The following AEN variants were observed in gnomAD, a reference collection of about 807,000 sequenced individuals.
AEN encodes the protein apoptosis-enhancing nuclease.
A neutral mutation model predicts 17.7 loss-of-function variants in AEN; 21 were observed. That is an observed-to-expected ratio of 1.19 (90% CI 0.84 to 1.71). The LOEUF (loss-of-function observed/expected upper bound fraction) is 1.71. AEN is among the 40% of genes most tolerant of loss of function. The probability of loss-of-function intolerance (pLI) is 0.00; values close to 1 mark genes in which losing one functional copy is unlikely to be tolerated. For synonymous variants in AEN, 190 were observed against 173.0 expected (o/e 1.10, Z -0.77); for missense variants, 462 against 435.9 (o/e 1.06, Z -0.53).
At chr15:88,626,058 C>T (rs1283302352) in intron 1 of AEN, 88 bp from the exon 2 acceptor site, 18 of 798,760 alleles carry the variant, frequency 2.3e-5, no homozygotes, top group Non-Finnish European at 2.7e-5. Context: ...GCATCCCCAC[C>T]GTGGTGCACT....
At chr15:88,621,997 G>T (rs1296152573) in intron 1 of AEN, among the ~76,000 whole-genome samples, 1 of 152,132 alleles carries the variant, frequency 6.6e-6, no homozygotes, top group Admixed American at 6.5e-5. Context: ...CTAATTCACA[G>T]CCCTCGGTTG....
At chr15:88,612,059 T>C in the AEN span, 2 of 364,134 alleles carry the variant, frequency 5.5e-6, no homozygotes, top group Non-Finnish European at 1.1e-5. Context: ...CGGCAGACTC[T>C]TCCAGAAACA....
At position 88,632,113 on chromosome 15, in the gene AEN, A is replaced by G. The variant is rs138770021; in HGVS notation, c.*1819A>G. On this transcript the variant is annotated 3_prime_UTR_variant, in exon 4 of 4. Transcript: ENST00000332810. The stretch of plus-strand genomic sequence containing the variant: ...GCCTGGCTCCAGAACTTTGTTCTAG[A>G]TTCCTTAAAAGTCGGTAGCTGATGT... 24 of 152,328 alleles carry G rather than the reference A, an allele frequency of 1.6e-4. No individual in the cohort carries two copies. In the East Asian group the frequency reaches 4.6e-3, roughly 29 times the overall value. The allele number at this position is 152,328 out of a possible 1,614,324, so 9.4% of individuals were successfully genotyped here.
At position 88,628,852 on chromosome 15, in the gene AEN, T is replaced by G. The variant is rs552127434; in HGVS notation, c.541-374T>G. ...TGCGGTGGGGGAGAGTTGGGTGGAG[T>G]GGGAGGCCTGGTGACGTCTTCCAGG... On this transcript the variant is annotated intron_variant, in intron 2 of 3. Coordinates refer to ENST00000332810, the MANE Select transcript of AEN (RefSeq NM_022767.4). 2.3e-4 allele frequency: 46 copies of G among 203,500 alleles called. No individual in the cohort carries two copies. In the East Asian group the frequency reaches 6.0e-3, roughly 27 times the overall value. The allele number at this position is 203,500 out of a possible 1,614,324, so 12.6% of individuals were successfully genotyped here. A position where few individuals can be genotyped will look rare whatever the true frequency, so the allele number is the denominator to read the frequency against.
the AEN span, among the ~76,000 whole-genome samples, chr15:88,615,909 G>A: frequency 4.6e-5 from 7 of 152,158 alleles, no homozygotes; most frequent in Admixed American, 1.3e-4. Context: ...TCTGACTGTA[G>A]CATAATGATT....
upstream of AEN, among the ~76,000 whole-genome samples, chr15:88,620,569 C>A (rs1258341345): frequency 2.0e-5 from 2 of 98,780 alleles, no homozygotes; most frequent in Admixed American, 1.0e-4. Flanking sequence ...CTCCCGTCAA[C>A]GCCCGGCTAA....
upstream of AEN, among the ~76,000 whole-genome samples, chr15:88,618,160 C>A (rs1260636248): frequency 1.3e-5 from 2 of 152,180 alleles, no homozygotes; most frequent in African/African-American, 2.4e-5. Context: ...ACCACCCTCA[C>A]CCCACCCCAA....
intron 2 of AEN, 70 bp downstream of exon 2, chr15:88,626,819 A>G: frequency 6.6e-7 from 1 of 1,514,214 alleles, no homozygotes; most frequent in Non-Finnish European, 8.9e-7. Flanking sequence ...GGTTTGAATC[A>G]CCACTTTGCT....
the AEN span, among the ~76,000 whole-genome samples, chr15:88,612,230 C>T: frequency 1.3e-5 from 2 of 152,278 alleles, no homozygotes; most frequent in South Asian, 2.1e-4. Context: ...ATGGAGGCAC[C>T]TTGTGACTCC....
At chr15:88,610,087 G>A in the AEN span, among the ~76,000 whole-genome samples, 40 of 152,132 alleles carry the variant, frequency 2.6e-4, no homozygotes, top group Non-Finnish European at 5.3e-4. Context: ...TCTTTGTGGT[G>A]CATTTTAGCT....
At chr15:88,623,674 A>G (rs1478361506) in intron 1 of AEN, among the ~76,000 whole-genome samples, 1 of 152,224 alleles carries the variant, frequency 6.6e-6, no homozygotes, top group African/African-American at 2.4e-5. Flanking sequence ...AGCTAGACTT[A>G]GTGTCCTGAG....
chr15:88,615,974 G>A, the AEN span, among the ~76,000 whole-genome samples: 1 of 152,192 alleles, frequency 6.6e-6, no homozygotes, highest in Non-Finnish European at 1.5e-5. Context: ...TTGAAAATGC[G>A]GAGGGGGAAA....
At chr15:88,608,561 G>A in the AEN span, among the ~76,000 whole-genome samples, 2 of 152,202 alleles carry the variant, frequency 1.3e-5, no homozygotes, top group African/African-American at 2.4e-5. Context: ...GATGAAGATG[G>A]AAAGCTAGAA....
chr15:88,617,305 G>A, upstream of AEN, among the ~76,000 whole-genome samples: 1 of 152,130 alleles, frequency 6.6e-6, no homozygotes, highest in Non-Finnish European at 1.5e-5. Flanking sequence ...CCAGGCTGGA[G>A]GGCAGTGGTG....
At chr15:88,609,281 C>T in the AEN span, among the ~76,000 whole-genome samples, 1 of 152,180 alleles carries the variant, frequency 6.6e-6, no homozygotes, top group East Asian at 1.9e-4. Context: ...CTCAGTTGTG[C>T]TTAAAGTAGG....
chr15:88,630,776 C>G lies in AEN; in HGVS notation c.*482C>G, dbSNP rs919696665. 4.6e-6 allele frequency: 1 copy of G among 218,786 alleles called. No individual in the cohort carries two copies. Among genetic ancestry groups the G allele is most frequent in the Non-Finnish European group, 9.5e-6 (1 of 104,964 alleles). The allele number at this position is 218,786 out of a possible 1,614,324, so 13.6% of individuals were successfully genotyped here. ...GGGTAAAGTTCTCTTCCTTTTGTTGCCTACCTCTTCCTCCACTCATTTGGG... is the reference window on the plus strand; with the variant it reads ...GGGTAAAGTTCTCTTCCTTTTGTTGGCTACCTCTTCCTCCACTCATTTGGG... On this transcript the variant is annotated 3_prime_UTR_variant, in exon 4 of 4. Transcript: ENST00000332810. This position sits in a 1 kb window ranked among gnomAD's most constrained non-coding sequence, Gnocchi z 5.1.
the AEN span, among the ~76,000 whole-genome samples, chr15:88,611,576 A>G: frequency 6.6e-6 from 1 of 152,136 alleles, no homozygotes; most frequent in Non-Finnish European, 1.5e-5. Context: ...AGCCTGGGTG[A>G]CAGAGCAAGA....
intron 1 of AEN, among the ~76,000 whole-genome samples, chr15:88,623,662 C>T (rs2057815369): frequency 6.6e-6 from 1 of 152,202 alleles, no homozygotes; most frequent in African/African-American, 2.4e-5. Flanking sequence ...TCTTTGCTCC[C>T]CAGCTAGACT....
intron 2 of AEN, 34 bp downstream of exon 2, chr15:88,626,783 G>T: frequency 6.3e-7 from 1 of 1,577,408 alleles, no homozygotes; most frequent in East Asian, 2.3e-5. Flanking sequence ...TTTGGGAGGT[G>T]TGGTGGGCTG....
Sources: allele counts gnomAD v4.1 joint callset (sites outside exome capture counted in the v4.1 genomes callset), GRCh38; gene constraint gnomAD v4.1.1; non-coding constraint Gnocchi (gnomAD v3.1); transcripts MANE v1.5; gene names NCBI Gene and HGNC (gene_info 2026-07-23, HGNC 2026-07-21).